CTNNA2: variants seen among roughly 807,000 people sequenced by gnomAD.
CTNNA2 encodes the protein catenin alpha-2.
A neutral mutation model predicts 101.0 loss-of-function variants in CTNNA2; 42 were observed. The observed-to-expected ratio is 0.42, with a 90% CI of 0.32 to 0.54. The LOEUF is 0.54. Among genes scored for constraint, CTNNA2 ranks in the 20% least tolerant of loss-of-function variants. The pLI is 0.14. For synonymous variants in CTNNA2, 450 were observed against 456.4 expected (o/e 0.99, Z 0.18); for missense variants, 871 against 1,223.1 (o/e 0.71, Z 4.29).
intron 4 of CTNNA2, among the ~76,000 whole-genome samples, chr2:79,433,761 A>C (rs1327162746): frequency 2.0e-5 from 3 of 152,214 alleles, no homozygotes; most frequent in Non-Finnish European, 4.4e-5. Flanking sequence ...ATACATCTAC[A>C]AGAGACAACG....
chr2:79,481,337 C>T (rs1200753294), intron 4 of CTNNA2, among the ~76,000 whole-genome samples: 1 of 152,090 alleles, frequency 6.6e-6, no homozygotes, highest in Non-Finnish European at 1.5e-5. Flanking sequence ...TTCTCCTTTT[C>T]CTAGCCTCTG....
At chr2:79,686,038 C>T (rs553396483) in intron 2 of CTNNA2, among the ~76,000 whole-genome samples, 3 of 152,182 alleles carry the variant, frequency 2.0e-5, no homozygotes, top group African/African-American at 7.2e-5. Flanking sequence ...AAGTCAATCA[C>T]CCAATAATTG....
intron 2 of CTNNA2, among the ~76,000 whole-genome samples, chr2:79,236,653 T>A (rs1674561848): frequency 6.6e-6 from 1 of 152,228 alleles, no homozygotes; most frequent in Non-Finnish European, 1.5e-5. Flanking sequence ...TGACACTATT[T>A]TATCAAGTAA....
intron 4 of CTNNA2, among the ~76,000 whole-genome samples, chr2:79,408,114 C>T (rs917220886): frequency 2.6e-5 from 4 of 151,932 alleles, no homozygotes; most frequent in African/African-American, 4.8e-5. Flanking sequence ...TCTAACCTGG[C>T]ATCTCTGCCT....
rs570283198 is a variant in CTNNA2, at chr2:79,392,318, G to A, written c.-135+18305G>A. On this transcript the variant is annotated intron_variant, in intron 4 of 21. Transcript: ENST00000466387. ...TCTAACTCAGTAATTTTGGGGTGAG[G>A]TTCAAAACCGTGTTCTTTTAACAAA... Among the ~76,000 whole-genome samples, 7 of 152,242 alleles carry A rather than the reference G, an allele frequency of 4.6e-5. No individual in the cohort carries two copies. The East Asian group carries it at 7.7e-4, about 17-fold the overall frequency.
chr2:79,470,284 T>G (rs982270440), intron 4 of CTNNA2, among the ~76,000 whole-genome samples: 5 of 152,104 alleles, frequency 3.3e-5, no homozygotes, highest in Admixed American at 3.3e-4. Flanking sequence ...GGGAGGAGCA[T>G]TTGAACCCAG....
intron 7 of CTNNA2, among the ~76,000 whole-genome samples, chr2:80,023,867 C>T (rs1694747007): frequency 6.6e-6 from 1 of 151,404 alleles, no homozygotes; most frequent in African/African-American, 2.4e-5. Flanking sequence ...GCGGGCGGAT[C>T]ACGAGGTCAG....
At chr2:80,447,289 T>G (rs1683149010) in intron 9 of CTNNA2, among the ~76,000 whole-genome samples, 1 of 152,188 alleles carries the variant, frequency 6.6e-6, no homozygotes, top group Admixed American at 6.5e-5. Context: ...GCAAATCTTT[T>G]GGGTAATATG....
At chr2:79,890,907 G>A (rs1022213832) in intron 6 of CTNNA2, among the ~76,000 whole-genome samples, 32 of 143,338 alleles carry the variant, frequency 2.2e-4, no homozygotes, top group African/African-American at 8.0e-4. Flanking sequence ...ATGGTGGAAG[G>A]GGCAGGGAGC....
chr2:79,974,855 G>A (rs766632683), intron 7 of CTNNA2, among the ~76,000 whole-genome samples: 16 of 152,264 alleles, frequency 1.1e-4, no homozygotes, highest in South Asian at 4.1e-4. Flanking sequence ...CAGACGAAGC[G>A]TAGGAGGGGT....
chr2:79,440,550 A>G (rs1035587381), intron 4 of CTNNA2, among the ~76,000 whole-genome samples: 1 of 152,168 alleles, frequency 6.6e-6, no homozygotes, highest in African/African-American at 2.4e-5. Flanking sequence ...GACTGAGACT[A>G]CAATACAAAG....
At chr2:79,814,166 T>A (rs1272613540) in intron 3 of CTNNA2, among the ~76,000 whole-genome samples, 1 of 152,172 alleles carries the variant, frequency 6.6e-6, no homozygotes, top group Non-Finnish European at 1.5e-5. Flanking sequence ...AACTTTTATA[T>A]ATATGATTTC....
intron 4 of CTNNA2, among the ~76,000 whole-genome samples, chr2:79,457,963 T>C (rs1439195222): frequency 6.6e-6 from 1 of 152,180 alleles, no homozygotes; most frequent in Non-Finnish European, 1.5e-5. Flanking sequence ...GTTCCTGGCA[T>C]CAGCACCCTT....
At chr2:79,366,379 A>T (rs1353211976) in intron 3 of CTNNA2, among the ~76,000 whole-genome samples, 1 of 152,248 alleles carries the variant, frequency 6.6e-6, no homozygotes, top group Non-Finnish European at 1.5e-5. Flanking sequence ...TATATTAGGA[A>T]CAATGACCTA....
chr2:79,499,947 G>A (rs1038449070), intron 4 of CTNNA2, among the ~76,000 whole-genome samples: 2 of 152,104 alleles, frequency 1.3e-5, no homozygotes, highest in Admixed American at 6.6e-5. Context: ...GACAGCCGAC[G>A]GTACAGACAA....
rs544799981 is a variant in CTNNA2 at position 80,340,196 on chromosome 2, A to G, written c.1057-53015A>G. On this transcript the variant is annotated intron_variant, in intron 7 of 18. Transcript: ENST00000402739. ...TGGACGTGGATAATAACTATAATCT[A>G]TGGAGCAGTCCTGCGGTTATGTCAG... Among the ~76,000 whole-genome samples the G allele has an allele frequency of 2.0e-5, 3 of 152,318 alleles. No individual in the cohort carries two copies. In the South Asian group the frequency reaches 6.2e-4, roughly 32 times the overall value.
intron 1 of CTNNA2, among the ~76,000 whole-genome samples, chr2:79,532,279 T>A (rs1672793258): frequency 1.3e-5 from 2 of 152,092 alleles, no homozygotes; most frequent in Non-Finnish European, 2.9e-5. Flanking sequence ...TCTGTACTAG[T>A]CATTAGGGGA....
intron 4 of CTNNA2, among the ~76,000 whole-genome samples, chr2:79,466,922 G>T (rs112021029): frequency 0.045 from 6,841 of 152,202 alleles, 447 homozygotes; most frequent in African/African-American, 0.15. Flanking sequence ...CCACAAAGAT[G>T]GGGAAAAAAC....
rs60132060 is a variant in CTNNA2, at chr2:80,596,279, G to GTTTTTTTTTTTTTTTTTT, written c.2189+6825_2189+6842dup. 4.0e-4 allele frequency among the ~76,000 whole-genome samples: 14 copies of GTTTTTTTTTTTTTTTTTT among 35,324 alleles called. 3 individuals are homozygous for GTTTTTTTTTTTTTTTTTT. Among genetic ancestry groups the GTTTTTTTTTTTTTTTTTT allele is most frequent in the Non-Finnish European group, 4.3e-4 (8 of 18,620 alleles). 23.2% of individuals were successfully genotyped at this position (35,324 alleles called of 152,430 possible). A position where few individuals can be genotyped will look rare whatever the true frequency, so the allele number is the denominator to read the frequency against. On this transcript the variant is annotated intron_variant, in intron 15 of 18. Coordinates refer to ENST00000402739, the MANE Select transcript of CTNNA2 (RefSeq NM_001282597.3). ...AGTTTTTTTGGGCTGAGACAAGGTTGTTTTTTTTTTTTTTTTTTTTTTTTT... is the reference window on the plus strand; with the variant it reads ...AGTTTTTTTGGGCTGAGACAAGGTTGTTTTTTTTTTTTTTTTTTTTTTTTTTTTTTTTTTTTTTTTTTT...
Sources: allele counts gnomAD v4.1 joint callset (sites outside exome capture counted in the v4.1 genomes callset), GRCh38; gene constraint gnomAD v4.1.1; transcripts MANE v1.5; gene names NCBI Gene and HGNC (gene_info 2026-07-23, HGNC 2026-07-21).